Variants in ACP7 observed in about 807,000 individuals in gnomAD.
The protein encoded by ACP7 is acid phosphatase 7, tartrate resistant (putative), also known as acid phosphatase type 7.
Under a neutral mutation model 60.6 loss-of-function variants are expected in ACP7, and 58 were observed. The observed-to-expected ratio is 0.96, with a 90% CI of 0.77 to 1.19. The LOEUF is 1.19. Among genes scored for constraint, ACP7 ranks in the 50% most tolerant of loss-of-function variants. The pLI is 0.00. For missense variants in ACP7, 574 were observed against 596.2 expected (o/e 0.96, Z 0.39); for synonymous variants, 237 against 232.6 (o/e 1.02, Z -0.17).
chr19:39,099,035 G>C lies in ACP7; in HGVS notation c.398G>C (p.Ser133Thr). The change falls in exon 4 of 13, where the codon AGT (serine) becomes ACT (threonine). Residue 133 changes from serine to threonine, a missense_variant. Transcript: ENST00000331256. ...FRALKNGAHW[S>T]PRLAVFGDLG... is the part of the protein sequence containing the mutation. The stretch of plus-strand genomic sequence containing the variant: ...GCCCTCAAGAATGGGGCCCACTGGA[G>C]TCCCCGTCTGGCTGTGTTTGGAGAC... The C allele has an allele frequency of 6.2e-7, 1 of 1,613,262 alleles. No individual in the cohort carries two copies. The highest frequency in any genetic ancestry group is 8.5e-7 in the Non-Finnish European group (1 of 1,179,758).
chr19:39,102,752 T>TTTCTTTCTTTC (rs1439816966), intron 11 of ACP7, among the ~76,000 whole-genome samples: 1 of 84,364 alleles, frequency 1.2e-5, no homozygotes, highest in Admixed American at 1.3e-4. Context: ...TCTTTCTTTC[T>TTTCTTTCTTTC]TTCTTTCTTT....
At chr19:39,098,774 T>C in intron 3 of ACP7, 116 bp downstream of exon 3, 1 of 1,362,542 alleles carries the variant, frequency 7.3e-7, no homozygotes, top group Non-Finnish European at 9.9e-7. Context: ...ACTGCCTATC[T>C]GCAAGCCTGT....
intron 4 of ACP7, among the ~76,000 whole-genome samples, chr19:39,099,992 CAAA>C (rs35619428): frequency 1.7e-3 from 124 of 72,498 alleles, no homozygotes; most frequent in Middle Eastern, 8.2e-3. Context: ...GACTCTGTCT[CAAA>C]AAAAAAAAAA....
At chr19:39,107,610 G>T (rs1162856404) in intron 12 of ACP7, among the ~76,000 whole-genome samples, 1 of 147,404 alleles carries the variant, frequency 6.8e-6, no homozygotes. Flanking sequence ...ATTAGGCCAG[G>T]TGCGGTGGTT....
chr19:39,093,443 C>T (rs1046671640), intron 2 of ACP7, among the ~76,000 whole-genome samples: 6 of 151,728 alleles, frequency 4.0e-5, no homozygotes, highest in Admixed American at 6.6e-5. Context: ...TAGTAGAGAC[C>T]GGGTTTTGCC....
rs1316628357 is a variant in ACP7, at chr19:39,102,765, T to TTCTTTCTTTCTTTCTTTCTTTC, written c.1113+1231_1113+1232insTTCTTTCTTTCTTTCTTTCTCT. Among the ~76,000 whole-genome samples, 37 of 107,446 alleles carry TTCTTTCTTTCTTTCTTTCTTTC rather than the reference T, an allele frequency of 3.4e-4. 1 individual carries two copies. Among genetic ancestry groups the TTCTTTCTTTCTTTCTTTCTTTC allele is most frequent in the African/African-American group, 1.1e-3 (35 of 32,456 alleles). The allele number at this position is 107,446 out of a possible 152,430, so 70.5% of individuals were successfully genotyped here. A position where few individuals can be genotyped will look rare whatever the true frequency, so the allele number is the denominator to read the frequency against. On this transcript the variant is annotated intron_variant, in intron 11 of 12. Coordinates refer to ENST00000331256, the MANE Select transcript of ACP7 (RefSeq NM_001004318.3). ...TTTCTTTCTTTCTTTCTTTCTTTCT[T>TTCTTTCTTTCTTTCTTTCTTTC]TCTCTCTCTCTCTCTTTCTCTCTCT...
In ACP7 at chr19:39,111,288, A is replaced by T. The variant is rs2073468366; in HGVS notation, c.*1170A>T. 1 of 152,108 alleles carries T rather than the reference A, an allele frequency of 6.6e-6. No homozygotes were observed. The highest frequency in any genetic ancestry group is 2.1e-4 in the South Asian group (1 of 4,816). 9.4% of individuals were successfully genotyped at this position (152,108 alleles called of 1,614,324 possible). Reference sequence around the variant, plus strand: ...AAACCCTTTCTCTACCAAAAATATGAAATTTAGCTGGGCATGGTGGTGTGT... The same window carrying T: ...AAACCCTTTCTCTACCAAAAATATGTAATTTAGCTGGGCATGGTGGTGTGT... On this transcript the variant is annotated 3_prime_UTR_variant, in exon 13 of 13. Coordinates refer to ENST00000331256, the MANE Select transcript of ACP7 (RefSeq NM_001004318.3).
intron 2 of ACP7, 41 bp downstream of exon 2, chr19:39,085,431 G>T (rs2073130502): frequency 3.8e-6 from 6 of 1,559,014 alleles, no homozygotes; most frequent in Middle Eastern, 1.7e-4. Flanking sequence ...TACCAGAGAG[G>T]CCCAGCGGTG....
chr19:39,101,219 T>C lies in ACP7; in HGVS notation c.973+12T>C. Reference sequence around the variant, plus strand: ...TTTCTACAAATATGGTGAGCGACCCTCAGGACCCATGCCCCACACCCCACC... The same window carrying C: ...TTTCTACAAATATGGTGAGCGACCCCCAGGACCCATGCCCCACACCCCACC... On this transcript the variant is annotated intron_variant, in intron 9 of 12. Transcript: ENST00000331256. 6.2e-7 allele frequency: 1 copy of C among 1,614,094 alleles called. No individual in the cohort carries two copies.
intron 8 of ACP7, 32 bp downstream of exon 8, chr19:39,101,088 A>C (rs2073338774): frequency 1.9e-6 from 3 of 1,613,944 alleles, no homozygotes; most frequent in Non-Finnish European, 1.7e-6. Flanking sequence ...CAGTGGGGAC[A>C]TGCTGAAAGC....
chr19:39,098,434 T>A, intron 2 of ACP7, 24 bp from the exon 3 acceptor site: 6 of 1,420,524 alleles, frequency 4.2e-6, no homozygotes, highest in Non-Finnish European at 5.7e-6. Context: ...ACTCCCGGTC[T>A]ACCCTCTGTC....
chr19:39,097,213 A>C (rs1024299123), intron 2 of ACP7, among the ~76,000 whole-genome samples: 2 of 152,174 alleles, frequency 1.3e-5, no homozygotes, highest in Non-Finnish European at 2.9e-5. Flanking sequence ...CCATGAGAAC[A>C]GTATGGGGGA....
chr19:39,086,479 A>C (rs1349349784), intron 2 of ACP7, among the ~76,000 whole-genome samples: 1 of 150,644 alleles, frequency 6.6e-6, no homozygotes, highest in Non-Finnish European at 1.5e-5. Flanking sequence ...AAAAAATTAA[A>C]AAATTAGCTG....
intron 2 of ACP7, among the ~76,000 whole-genome samples, chr19:39,096,190 T>C (rs1180290660): frequency 6.6e-6 from 1 of 152,216 alleles, no homozygotes; most frequent in Non-Finnish European, 1.5e-5. Flanking sequence ...TTATTTTCTA[T>C]CCCATCATCA....
rs11666332 is a variant in ACP7 at position 39,110,500 on chromosome 19, T to C, written c.*382T>C. 0.23 allele frequency: 39,797 copies of C among 176,496 alleles called. 5,337 individuals are homozygous for C. Among genetic ancestry groups the C allele is most frequent in the East Asian group, 0.4 (2,677 of 6,628 alleles). 10.9% of individuals were successfully genotyped at this position (176,496 alleles called of 1,614,324 possible). On this transcript the variant is annotated 3_prime_UTR_variant, in exon 13 of 13. Transcript: ENST00000331256. Reference sequence around the variant, plus strand: ...GATGCCGCTGGGCTTCCTCCTCTCCTGCCCACCTGGCAAGGGCATCGCCAG... The same window carrying C: ...GATGCCGCTGGGCTTCCTCCTCTCCCGCCCACCTGGCAAGGGCATCGCCAG...
intron 2 of ACP7, among the ~76,000 whole-genome samples, chr19:39,095,196 A>G (rs976344750): frequency 1.3e-5 from 2 of 152,090 alleles, no homozygotes; most frequent in African/African-American, 2.4e-5. Context: ...TTCAGCATTA[A>G]CCCAAAAGTC....
intron 2 of ACP7, among the ~76,000 whole-genome samples, chr19:39,089,944 A>G (rs375996042): frequency 3.2e-4 from 48 of 152,286 alleles, no homozygotes; most frequent in African/African-American, 1.1e-3. Context: ...CTATAAAGTA[A>G]TTATTCTTCC....
rs138827484 is a variant in ACP7, at chr19:39,085,356, C to T, written c.87C>T (p.Ser29=). ...TCCAGGGGTCCCTGGGGGCTCCCAGCGCTGCCCCAGAGCAAGTCCATCTGT... is the reference window on the plus strand; with the variant it reads ...TCCAGGGGTCCCTGGGGGCTCCCAGTGCTGCCCCAGAGCAAGTCCATCTGT... ...LGVQGSLGAP[S]AAPEQVHLSY... is the part of the protein sequence containing the mutation. The change falls in exon 2 of 13, where the codon AGC becomes AGT. Residue 29 remains serine, a synonymous_variant. Transcript: ENST00000331256. 103 of 1,613,150 alleles carry T rather than the reference C, an allele frequency of 6.4e-5. No homozygotes were observed. Among genetic ancestry groups the T allele is most frequent in the Admixed American group, 2.3e-4 (14 of 59,900 alleles).
At chr19:39,086,656 G>C (rs915137229) in intron 2 of ACP7, among the ~76,000 whole-genome samples, 2 of 133,330 alleles carry the variant, frequency 1.5e-5, no homozygotes, top group African/African-American at 5.3e-5. Context: ...GGGGGGAGGG[G>C]GATAGAACGG....
Sources: allele counts gnomAD v4.1 joint callset (sites outside exome capture counted in the v4.1 genomes callset), GRCh38; gene constraint gnomAD v4.1.1; transcripts MANE v1.5; gene names NCBI Gene and HGNC (gene_info 2026-07-23, HGNC 2026-07-21).